The following SMOC1 variants were observed in gnomAD, a reference collection of about 807,000 sequenced individuals.
SMOC1 encodes SPARC-related modular calcium-binding protein 1.
A neutral mutation model predicts 56.3 loss-of-function variants in SMOC1; 22 were observed. The observed-to-expected ratio is 0.39, with a 90% confidence interval of 0.28 to 0.56. The LOEUF (loss-of-function observed/expected upper bound fraction) is 0.56. Ranked by LOEUF, SMOC1 falls within the 20% of genes least tolerant of loss-of-function variation. The pLI is 0.61. For synonymous variants in SMOC1, 193 were observed against 215.0 expected (o/e 0.90, Z 0.89); for missense variants, 509 against 565.4 (o/e 0.90, Z 1.01).
intron 7 of SMOC1, among the ~76,000 whole-genome samples, chr14:69,999,085 A>G (rs1884875629): frequency 6.6e-6 from 1 of 152,132 alleles, no homozygotes; most frequent in South Asian, 2.1e-4. Flanking sequence ...TTTAAGTTTT[A>G]CCATGAAAGT....
chr14:69,987,108 G>A (rs1884394347), intron 5 of SMOC1, among the ~76,000 whole-genome samples: 1 of 152,222 alleles, frequency 6.6e-6, no homozygotes. Context: ...TCCACATTGA[G>A]CCTCAGAATC....
intron 3 of SMOC1, among the ~76,000 whole-genome samples, chr14:69,961,075 C>A (rs971866423): frequency 3.3e-5 from 5 of 151,806 alleles, no homozygotes; most frequent in Non-Finnish European, 7.4e-5. Flanking sequence ...TTACCTCTCT[C>A]CTCAGTCCTT....
chr14:69,967,365 T>C lies in SMOC1; in HGVS notation c.379-8350T>C, dbSNP rs985526750. Among the ~76,000 whole-genome samples the C allele has an allele frequency of 2.6e-5, 4 of 152,250 alleles. No individual in the cohort carries two copies. In the South Asian group the frequency reaches 8.3e-4, roughly 32 times the overall value. ...CAGTGCTTTCAGGCTATGGCCTAGA[T>C]TAAGCTTGCCCATCCCATGGCCCGC... On this transcript the variant is annotated intron_variant, in intron 3 of 11. Transcript: ENST00000361956.
chr14:69,991,400 AC>A (rs1884563048), intron 5 of SMOC1, among the ~76,000 whole-genome samples: 1 of 152,206 alleles, frequency 6.6e-6, no homozygotes, highest in Non-Finnish European at 1.5e-5. Context: ...AAATATATAT[AC>A]TGTTTCTTTG....
At chr14:69,923,610 C>T (rs1884910227) in intron 1 of SMOC1, among the ~76,000 whole-genome samples, 2 of 152,270 alleles carry the variant, frequency 1.3e-5, no homozygotes, top group African/African-American at 2.4e-5. Flanking sequence ...ATAATTTCAT[C>T]GAGTCCCTTG....
At position 70,010,964 on chromosome 14, in the gene SMOC1, G is replaced by T. The variant is rs765016420; in HGVS notation, c.857+18G>T. On this transcript the variant is annotated intron_variant, in intron 8 of 11. Transcript: ENST00000361956. ...TCCACACGGTAAGCCCCCCAGACTG[G>T]GTCCTGGGAAAAACGCACCTGCTGG... 23 of 1,611,720 alleles carry T rather than the reference G, an allele frequency of 1.4e-5. No homozygotes were observed. In the South Asian group the frequency reaches 2.5e-4, roughly 18 times the overall value.
intron 1 of SMOC1, among the ~76,000 whole-genome samples, chr14:69,949,222 G>A (rs538307242): frequency 1.3e-5 from 2 of 152,300 alleles, no homozygotes; most frequent in African/African-American, 4.8e-5. Flanking sequence ...ACATGGCTGA[G>A]GACGGCAAGG....
At position 70,013,457 on chromosome 14, in the gene SMOC1, G is replaced by T. The variant is rs1398240797; in HGVS notation, c.1012G>T (p.Ala338Ser). 2.5e-6 allele frequency: 4 copies of T among 1,614,196 alleles called. No individual in the cohort carries two copies. Among genetic ancestry groups the T allele is most frequent in the East Asian group, 2.2e-5 (1 of 44,882 alleles). ...TGCTCTCACCACTGACATGGTTCAG[G>T]CCATTAACTCAGCAGCGCCCACTGG... Reference protein sequence around the residue: ...LDALTTDMVQAINSAAPTGGG... With the variant: ...LDALTTDMVQSINSAAPTGGG... Residue 338 changes from alanine (A) to serine (S), a missense_variant, in exon 10 of 12, where the codon GCC becomes TCC. By Grantham distance (99) the Ala-to-Ser change is moderately conservative. This residue lies in a region of SMOC1 where 176 missense variants were observed against 188.1 expected (regional missense o/e 0.94). Coordinates refer to ENST00000361956, the MANE Select transcript of SMOC1 (RefSeq NM_001034852.3).
In SMOC1 at chr14:69,897,714, C is replaced by T. The variant is rs150476124; in HGVS notation, c.99+17937C>T. Among the ~76,000 whole-genome samples, 826 of 152,256 alleles carry T rather than the reference C, an allele frequency of 5.4e-3. 8 individuals are homozygous for T. The highest frequency in any genetic ancestry group is 0.019 in the African/African-American group (798 of 41,566). ...TAAAGTATTCCTAATTCCTCTCTCC[C>T]ATCTCTTGTATCATGCTGTCATTTA... On this transcript the variant is annotated intron_variant, in intron 1 of 11. Transcript: ENST00000361956.
chr14:70,013,331 C>T (rs1330579118), intron 9 of SMOC1, 55 bp from the exon 10 acceptor site: 3 of 1,466,966 alleles, frequency 2.0e-6, no homozygotes, highest in Non-Finnish European at 2.9e-6. Context: ...GTTGAGAAAG[C>T]TGTTGACTTG....
intron 1 of SMOC1, among the ~76,000 whole-genome samples, chr14:69,881,614 T>A (rs756877696): frequency 1.4e-4 from 21 of 152,072 alleles, no homozygotes; most frequent in Non-Finnish European, 2.5e-4. Context: ...TGCTTCACAC[T>A]CTCTCTCTCC....
Position 69,926,748 on chromosome 14 carries a change from G to A in SMOC1, c.100-25390G>A, listed in dbSNP as rs147095115. 7.9e-4 allele frequency among the ~76,000 whole-genome samples: 121 copies of A among 152,340 alleles called. 1 individual carries two copies. The highest frequency in any genetic ancestry group is 2.7e-3 in the African/African-American group (112 of 41,590). ...GCTGGCTCCCTGTTGTAGCCAAATG[G>A]CACATAGGCTCCAAAGAGCCATAAT... On this transcript the variant is annotated intron_variant, in intron 1 of 11. Transcript: ENST00000361956.
intron 1 of SMOC1, among the ~76,000 whole-genome samples, chr14:69,932,415 C>T (rs1476096442): frequency 6.6e-6 from 1 of 152,220 alleles, no homozygotes; most frequent in Non-Finnish European, 1.5e-5. Flanking sequence ...CATGCCTCCT[C>T]CTGTCCCTGG....
chr14:69,879,919 G>T, intron 1 of SMOC1, 142 bp downstream of exon 1: 1 of 717,096 alleles, frequency 1.4e-6, no homozygotes, highest in Non-Finnish European at 2.1e-6. Flanking sequence ...CTGCGGGCTT[G>T]GTGAAGTTGC....
chr14:69,953,408 C>A lies in SMOC1; in HGVS notation c.266-12C>A, dbSNP rs372206966. 6.2e-7 allele frequency: 1 copy of A among 1,613,112 alleles called. No homozygotes were observed. The highest frequency in any genetic ancestry group is 1.7e-5 in the Admixed American group (1 of 60,034). ...CAAGTGAAATATGAAATCTGCTCCT[C>A]TCCTCTTTCAGATGCTGGCCAGAGC... On this transcript the variant is annotated splice_polypyrimidine_tract_variant and intron_variant, in intron 2 of 11. Coordinates refer to ENST00000361956, the MANE Select transcript of SMOC1 (RefSeq NM_001034852.3).
intron 3 of SMOC1, among the ~76,000 whole-genome samples, chr14:69,960,660 T>C (rs911709325): frequency 6.6e-6 from 1 of 152,254 alleles, no homozygotes; most frequent in African/African-American, 2.4e-5. Flanking sequence ...AGCATCTCAC[T>C]ACTTGTTTTA....
chr14:69,958,709 G>C (rs1232133580), intron 3 of SMOC1, among the ~76,000 whole-genome samples: 1 of 152,150 alleles, frequency 6.6e-6, no homozygotes, highest in Admixed American at 6.5e-5. Context: ...TTCTAAGGAA[G>C]TAACTAAAAA....
chr14:69,887,940 A>G (rs1017913539), intron 1 of SMOC1, among the ~76,000 whole-genome samples: 1 of 151,884 alleles, frequency 6.6e-6, no homozygotes, highest in Non-Finnish European at 1.5e-5. Flanking sequence ...ACCTCCCCTC[A>G]CCGCCTTTTG....
chr14:69,996,288 G>GTGTCATCTC (rs1443334038), intron 7 of SMOC1, among the ~76,000 whole-genome samples: 3 of 152,140 alleles, frequency 2.0e-5, no homozygotes, highest in African/African-American at 7.2e-5. Context: ...CTTTACATTT[G>GTGTCATCTC]TGTCATCTCA....
Sources: allele counts gnomAD v4.1 joint callset (sites outside exome capture counted in the v4.1 genomes callset), GRCh38; gene constraint gnomAD v4.1.1; regional missense constraint gnomAD v4.1.1; transcripts MANE v1.5; gene names NCBI Gene and HGNC (gene_info 2026-07-23, HGNC 2026-07-21).